Variants in ZNF804B observed in about 807,000 individuals in gnomAD.
ZNF804B encodes the protein zinc finger protein 804B, also known as zinc finger 804B.
ZNF804B carries 80 observed loss-of-function variants against 101.4 expected under a neutral mutation model. The ratio of observed to expected loss-of-function variants is 0.79; its 90% confidence interval spans 0.66 to 0.95. The LOEUF (loss-of-function observed/expected upper bound fraction) is 0.95. ZNF804B is among the 40% of genes least tolerant of loss of function. ZNF804B has a pLI of 0.00. For missense variants in ZNF804B, 1,673 were observed against 1,561.9 expected, an observed-to-expected ratio of 1.07 and a Z score of -1.20; for synonymous variants, 622 against 558.8, an observed-to-expected ratio of 1.11 and a Z score of -1.59.
At chr7:88,822,341 G>T (rs1790995844) in intron 1 of ZNF804B, among the ~76,000 whole-genome samples, 1 of 151,952 alleles carries the variant, frequency 6.6e-6, no homozygotes. Flanking sequence ...ACTAATCTTG[G>T]TTTCTTGTTT....
intron 1 of ZNF804B, among the ~76,000 whole-genome samples, chr7:88,885,424 A>G (rs1276069928): frequency 6.6e-6 from 1 of 151,520 alleles, no homozygotes; most frequent in Non-Finnish European, 1.5e-5. Flanking sequence ...GATTTTGGCT[A>G]AACAATACAA....
In ZNF804B at chr7:88,764,259, T is replaced by C. The variant is rs569395187; in HGVS notation, c.108+4175T>C. On this transcript the variant is annotated intron_variant, in intron 1 of 3. Coordinates refer to ENST00000333190, the MANE Select transcript of ZNF804B (RefSeq NM_181646.5). ...ATTTTATCTGTGGTACATATTTAGC[T>C]TATTATTACTCTTTTGAAGTTTAGA... Among the ~76,000 whole-genome samples the C allele has an allele frequency of 5.9e-5, 9 of 152,292 alleles. No homozygotes were observed. The East Asian group carries it at 1.7e-3, about 29-fold the overall frequency.
intron 1 of ZNF804B, among the ~76,000 whole-genome samples, chr7:89,008,250 C>T (rs1386309067): frequency 6.6e-6 from 1 of 152,018 alleles, no homozygotes; most frequent in Non-Finnish European, 1.5e-5. Context: ...AAAAAAAAAT[C>T]ACAGTTTCTA....
At chr7:89,183,941 G>A (rs1461283414) in intron 1 of ZNF804B, among the ~76,000 whole-genome samples, 1 of 152,066 alleles carries the variant, frequency 6.6e-6, no homozygotes. Context: ...TATAGAGTTA[G>A]CCTTTTTATA....
intron 1 of ZNF804B, among the ~76,000 whole-genome samples, chr7:88,813,187 G>A (rs1178281771): frequency 6.6e-6 from 1 of 151,864 alleles, no homozygotes; most frequent in Non-Finnish European, 1.5e-5. Flanking sequence ...CAGCACTTTG[G>A]GATGCTTAGG....
chr7:89,205,569 C>T (rs1033107187), intron 1 of ZNF804B, among the ~76,000 whole-genome samples: 1 of 152,162 alleles, frequency 6.6e-6, no homozygotes, highest in Middle Eastern at 3.2e-3. Context: ...GTGGGGCTGT[C>T]AAATCTTAAA....
chr7:88,957,452 T>C (rs1197508958), intron 1 of ZNF804B, among the ~76,000 whole-genome samples: 2 of 151,438 alleles, frequency 1.3e-5, no homozygotes, highest in African/African-American at 2.4e-5. Context: ...ACAGTATCAT[T>C]GTATAAATAT....
chr7:89,236,647 A>T (rs1310193347), intron 2 of ZNF804B, among the ~76,000 whole-genome samples: 1 of 152,114 alleles, frequency 6.6e-6, no homozygotes, highest in Non-Finnish European at 1.5e-5. Flanking sequence ...CCATAGTGAG[A>T]TTTAAAATTA....
chr7:89,234,945 C>T (rs970831340), intron 2 of ZNF804B, among the ~76,000 whole-genome samples: 4 of 152,210 alleles, frequency 2.6e-5, no homozygotes, highest in African/African-American at 7.2e-5. Flanking sequence ...AGTTCATTTC[C>T]CTAATAAACC....
At chr7:89,224,996 T>G in intron 2 of ZNF804B, among the ~76,000 whole-genome samples, 1 of 152,112 alleles carries the variant, frequency 6.6e-6, no homozygotes, top group African/African-American at 2.4e-5. Context: ...AGTAGTTTCC[T>G]TCTACCTTAT....
chr7:89,196,926 T>C (rs1788562359), intron 1 of ZNF804B, among the ~76,000 whole-genome samples: 1 of 152,048 alleles, frequency 6.6e-6, no homozygotes, highest in Admixed American at 6.6e-5. Flanking sequence ...AGAGAGCATC[T>C]CACGCCAATC....
At chr7:88,795,079 G>T in intron 1 of ZNF804B, 2 of 723,562 alleles carry the variant, frequency 2.8e-6, no homozygotes, top group Non-Finnish European at 4.3e-6. Context: ...ATCACGGTTT[G>T]TCAAATGTTA....
chr7:88,850,046 G>A (rs928900436), intron 1 of ZNF804B, among the ~76,000 whole-genome samples: 1 of 151,896 alleles, frequency 6.6e-6, no homozygotes, highest in Non-Finnish European at 1.5e-5. Context: ...TCAAATAATA[G>A]GAAGAAATTC....
intron 1 of ZNF804B, among the ~76,000 whole-genome samples, chr7:88,999,710 A>T (rs551900425): frequency 5.9e-5 from 9 of 152,134 alleles, no homozygotes; most frequent in Admixed American, 5.9e-4. Context: ...ATATTTTTTC[A>T]TTTTACAAGA....
chr7:89,335,111 C>T lies in ZNF804B; in HGVS notation c.2129C>T (p.Ser710Phe). Residue 710 changes from serine (S) to phenylalanine (F), a missense_variant, in exon 4 of 4, where the codon TCC (serine) becomes TTC (phenylalanine). By Grantham distance (155) the Ser-to-Phe change is radical (BLOSUM62 -2). Transcript: ENST00000333190. Reference protein sequence around the residue: ...SPQSCLSRYSSSLDTSPSSMS... With the variant: ...SPQSCLSRYSFSLDTSPSSMS... ...CAGTCATGTTTGAGTAGATATTCTT[C>T]CTCTTTGGACACATCCCCTAGCAGC... The T allele has an allele frequency of 6.2e-7, 1 of 1,613,788 alleles. No homozygotes were observed. The highest frequency in any genetic ancestry group is 8.5e-7 in the Non-Finnish European group (1 of 1,179,902).
intron 1 of ZNF804B, among the ~76,000 whole-genome samples, chr7:88,836,743 T>A (rs1791220202): frequency 6.6e-6 from 1 of 151,866 alleles, no homozygotes; most frequent in Non-Finnish European, 1.5e-5. Context: ...ATTCGCTCTT[T>A]CCCAGTATTC....
chr7:89,313,214 G>A (rs1247929716), intron 2 of ZNF804B, among the ~76,000 whole-genome samples: 1 of 152,162 alleles, frequency 6.6e-6, no homozygotes, highest in African/African-American at 2.4e-5. Flanking sequence ...TGTGGATCAA[G>A]TCACTTAACC....
intron 1 of ZNF804B, among the ~76,000 whole-genome samples, chr7:88,925,868 A>G (rs1454379089): frequency 6.6e-6 from 1 of 152,168 alleles, no homozygotes; most frequent in Non-Finnish European, 1.5e-5. Flanking sequence ...AGGAAAGTCT[A>G]AAATTAGAGA....
rs187021529 is a variant in ZNF804B at position 88,848,056 on chromosome 7, G to A, written c.108+87972G>A. ...TGATTTTGCCCCCACAGGGAAATTT[G>A]GCAATGGCTGGAAACATTTTTGGCT... On this transcript the variant is annotated intron_variant, in intron 1 of 3. Coordinates refer to ENST00000333190, the MANE Select transcript of ZNF804B (RefSeq NM_181646.5). 1.6e-3 allele frequency among the ~76,000 whole-genome samples: 236 copies of A among 152,254 alleles called. 2 individuals carry two copies. The highest frequency in any genetic ancestry group is 5.6e-3 in the African/African-American group (232 of 41,576).
Sources: gnomAD v4.1 joint callset for allele counts (sites outside exome capture counted in the v4.1 genomes callset) on GRCh38, gnomAD v4.1.1 for gene constraint, MANE v1.5 for transcripts, NCBI Gene and HGNC (gene_info 2026-07-23, HGNC 2026-07-21) for gene names.